SH3KBP1: variants seen among roughly 807,000 people sequenced by gnomAD.
The protein encoded by SH3KBP1 is SH3 domain-containing kinase-binding protein 1.
Under a neutral mutation model 50.1 loss-of-function variants are expected in SH3KBP1, and 8 were observed. The ratio of observed to expected loss-of-function variants is 0.16; its 90% CI spans 0.09 to 0.29. The LOEUF (loss-of-function observed/expected upper bound fraction) is 0.29. Ranked by LOEUF, SH3KBP1 falls within the 10% of genes least tolerant of loss-of-function variation. The pLI is 1.00. For missense variants in SH3KBP1, 377 were observed against 535.2 expected, an observed-to-expected ratio of 0.70 and a Z score of 2.92; for synonymous variants, 227 against 218.6, an observed-to-expected ratio of 1.04 and a Z score of -0.34.
At chrX:19,773,490 CACAA>C (rs1395623065) in intron 2 of SH3KBP1, among the ~76,000 whole-genome samples, 4 of 92,793 alleles carry the variant, frequency 4.3e-5, no homozygotes, top group Non-Finnish European at 6.2e-5. Flanking sequence ...CTCTCACACA[CACAA>C]ACACACACAC....
rs763404824 is a variant in SH3KBP1, at chrX:19,648,048, C to T, written c.727-2573G>A. The T allele has an allele frequency of 1.3e-5, 5 of 373,302 alleles. 1 individual carries two copies. Among genetic ancestry groups the T allele is most frequent in the Admixed American group, 1.0e-4 (4 of 39,240 alleles). 30.8% of individuals were successfully genotyped at this position (373,302 alleles called of 1,213,427 possible). On this transcript the variant is annotated intron_variant, in intron 6 of 17. Coordinates refer to ENST00000397821, the MANE Select transcript of SH3KBP1 (RefSeq NM_031892.3). ...GATAAATTATGAAACATCTTTTTAA[C>T]TCTTCTCCCTCTCTTCTCTCTCTCC...
chrX:19,774,394 G>A (rs867952250), intron 2 of SH3KBP1, among the ~76,000 whole-genome samples: 9 of 110,938 alleles, frequency 8.1e-5, no homozygotes, highest in South Asian at 3.7e-4. Flanking sequence ...CTAAGCCGCC[G>A]GGCGCGGTGG....
At chrX:19,633,572 A>T (rs1228550473) in intron 7 of SH3KBP1, among the ~76,000 whole-genome samples, 4 of 112,329 alleles carry the variant, frequency 3.6e-5, no homozygotes, top group African/African-American at 1.3e-4. Flanking sequence ...TATGACTGCC[A>T]ATCTCAAAAC....
intron 2 of SH3KBP1, among the ~76,000 whole-genome samples, chrX:19,815,022 G>A (rs1034045475): frequency 7.1e-5 from 8 of 112,110 alleles, no homozygotes; most frequent in African/African-American, 2.6e-4. Context: ...CTGACCTCCT[G>A]AGAAAGAACT....
intron 6 of SH3KBP1, among the ~76,000 whole-genome samples, chrX:19,679,507 T>C (rs2062998877): frequency 8.9e-6 from 1 of 112,134 alleles, no homozygotes; most frequent in African/African-American, 3.2e-5. Context: ...TTTTCTAAGG[T>C]GTAACCTGGT....
At chrX:19,881,826 A>T (rs2069443439) in intron 1 of SH3KBP1, among the ~76,000 whole-genome samples, 1 of 112,049 alleles carries the variant, frequency 8.9e-6, no homozygotes. Context: ...AGGAAAAAAT[A>T]GGGTGTTCTA....
chrX:19,857,654 G>A (rs955475531), intron 1 of SH3KBP1, among the ~76,000 whole-genome samples: 1 of 111,077 alleles, frequency 9.0e-6, no homozygotes, highest in South Asian at 3.8e-4. Flanking sequence ...CCTGGGAGGC[G>A]GAGGTTGCAG....
chrX:19,691,356 C>CTATATATATATA (rs1258274594), intron 5 of SH3KBP1, among the ~76,000 whole-genome samples: 1 of 73,564 alleles, frequency 1.4e-5, no homozygotes, highest in African/African-American at 5.4e-5. Context: ...CTCTCTCTCT[C>CTATATATATATA]TATATATATA....
At chrX:19,566,632 T>G (rs947143224) in intron 13 of SH3KBP1, among the ~76,000 whole-genome samples, 2 of 111,631 alleles carry the variant, frequency 1.8e-5, no homozygotes, top group Non-Finnish European at 3.8e-5. Context: ...GACAATCCCC[T>G]TTCATTCACA....
At chrX:19,768,326 A>G (rs1286283558) in intron 2 of SH3KBP1, among the ~76,000 whole-genome samples, 1 of 106,816 alleles carries the variant, frequency 9.4e-6, no homozygotes, top group African/African-American at 3.4e-5. Context: ...GAAGGGGGAA[A>G]AAAAGCACAC....
rs1037760200 is a variant in SH3KBP1 at position 19,712,757 on chromosome X, G to C, written c.287-5773C>G. Reference sequence around the variant, plus strand: ...TCCAAGTTAACATTGCTAATCATAGGACAAATTGACATCACGTGCCTCCTG... The same window carrying C: ...TCCAAGTTAACATTGCTAATCATAGCACAAATTGACATCACGTGCCTCCTG... On this transcript the variant is annotated intron_variant, in intron 3 of 17. Transcript: ENST00000397821. 6.3e-5 allele frequency among the ~76,000 whole-genome samples: 7 copies of C among 111,362 alleles called. No individual in the cohort carries two copies. The East Asian group carries it at 2.0e-3, about 31-fold the overall frequency.
rs985318986 is a variant in SH3KBP1 at position 19,653,850 on chromosome X, T to C, written c.727-8375A>G. Among the ~76,000 whole-genome samples, 4 of 105,679 alleles carry C rather than the reference T, an allele frequency of 3.8e-5. No homozygotes were observed. The Admixed American group carries it at 4.1e-4, about 11-fold the overall frequency. The allele number at this position is 105,679 out of a possible 115,157, so 91.8% of individuals were successfully genotyped here. On this transcript the variant is annotated intron_variant, in intron 6 of 17. Coordinates refer to ENST00000397821, the MANE Select transcript of SH3KBP1 (RefSeq NM_031892.3). ...AGCTGTTCATATAAATTCCCAAAGT[T>C]CAGAAGAAACTCCAGGGTTTACTTC...
chrX:19,746,378 C>G lies in SH3KBP1; in HGVS notation c.226G>C (p.Glu76Gln), dbSNP rs150089181. The change falls in exon 3 of 18, where the codon GAA becomes CAA. Residue 76 changes from glutamate (E) to glutamine (Q), a missense_variant. Transcript: ENST00000397821. Reference protein sequence around the residue: ...TNKAPEKPLHEVPSGNSLLSS... With the variant: ...TNKAPEKPLHQVPSGNSLLSS... Reference sequence around the variant, plus strand: ...AGCAAAGAGTTTCCACTGGGCACTTCGTGCAGGGGCTTTTCTGGAGCTTTG... The same window carrying G: ...AGCAAAGAGTTTCCACTGGGCACTTGGTGCAGGGGCTTTTCTGGAGCTTTG... The G allele has an allele frequency of 8.3e-7, 1 of 1,205,094 alleles. No homozygotes were observed.
intron 12 of SH3KBP1, among the ~76,000 whole-genome samples, chrX:19,584,725 A>G (rs2066506510): frequency 9.0e-6 from 1 of 111,662 alleles, no homozygotes; most frequent in Non-Finnish European, 1.9e-5. Flanking sequence ...GAAAGATGTT[A>G]GCTCCTGTTT....
At chrX:19,664,497 AC>A (rs753922474) in intron 6 of SH3KBP1, among the ~76,000 whole-genome samples, 126 of 110,864 alleles carry the variant, frequency 1.1e-3, no homozygotes, top group Non-Finnish European at 2.1e-3. Context: ...TTTTCTCAAG[AC>A]CCCTTTTCAT....
chrX:19,738,694 CAAAAAAAAAAA>C (rs1193680181), intron 3 of SH3KBP1, among the ~76,000 whole-genome samples: 3 of 37,182 alleles, frequency 8.1e-5, no homozygotes, highest in Non-Finnish European at 1.0e-4. Flanking sequence ...GTCAGCAATG[CAAAAAAAAAAA>C]AAAAAAAAAA....
At chrX:19,707,013 A>G (rs1236300077) in intron 3 of SH3KBP1, 29 bp from the exon 4 acceptor site, 1 of 1,095,495 alleles carries the variant, frequency 9.1e-7, no homozygotes, top group Non-Finnish European at 1.3e-6. Context: ...ATATTTAGAG[A>G]CAGCTCTTCT....
chrX:19,576,973 C>G (rs766380682), intron 12 of SH3KBP1, among the ~76,000 whole-genome samples: 2 of 112,267 alleles, frequency 1.8e-5, no homozygotes, highest in Admixed American at 1.9e-4. Context: ...TGGGATGACT[C>G]AGATGGGCCA....
chrX:19,679,294 C>A (rs2062993880), intron 6 of SH3KBP1, among the ~76,000 whole-genome samples: 1 of 112,091 alleles, frequency 8.9e-6, no homozygotes, highest in African/African-American at 3.2e-5. Context: ...ACGACTGTAT[C>A]CTCAGTACTG....
Sources: gnomAD v4.1 joint callset for allele counts (sites outside exome capture counted in the v4.1 genomes callset) on GRCh38, gnomAD v4.1.1 for gene constraint, MANE v1.5 for transcripts, NCBI Gene and HGNC (gene_info 2026-07-23, HGNC 2026-07-21) for gene names.